The following TLE3 variants were observed in gnomAD, a reference collection of about 807,000 sequenced individuals.
The protein encoded by TLE3 is transducin-like enhancer protein 3.
TLE3 carries 14 observed loss-of-function variants against 93.0 expected under a neutral mutation model. The observed-to-expected ratio is 0.15, with a 90% confidence interval of 0.10 to 0.24. The LOEUF is 0.24. TLE3 is among the 10% of genes least tolerant of loss of function. The probability of loss-of-function intolerance (pLI) is 1.00; values close to 1 mark genes in which losing one functional copy is unlikely to be tolerated. For synonymous variants in TLE3, 451 were observed against 425.0 expected, an observed-to-expected ratio of 1.06 and a Z score of -0.75; for missense variants, 693 against 1,046.6, an observed-to-expected ratio of 0.66 and a Z score of 4.66.
chr15:70,053,126 G>A, intron 17 of TLE3, 101 bp downstream of exon 17: 1 of 1,440,622 alleles, frequency 6.9e-7, no homozygotes, highest in Non-Finnish European at 9.3e-7. Context: ...CTTGGCCGTG[G>A]CCACTCTGTG....
chr15:70,069,171 A>G (rs942669059), intron 6 of TLE3, among the ~76,000 whole-genome samples: 1 of 152,228 alleles, frequency 6.6e-6, no homozygotes, highest in Non-Finnish European at 1.5e-5. Context: ...TTTGCTCAGT[A>G]CATGTCTTGT....
intron 4 of TLE3, among the ~76,000 whole-genome samples, chr15:70,090,369 T>C (rs1414686651): frequency 1.3e-5 from 2 of 152,208 alleles, no homozygotes; most frequent in Admixed American, 6.5e-5. Flanking sequence ...TCAACTCAGA[T>C]GCCACACAAA....
chr15:70,052,942 T>C (rs7167790), intron 17 of TLE3: 99,334 of 417,946 alleles, frequency 0.24, 12,628 homozygotes, highest in South Asian at 0.33. Flanking sequence ...GGTGCTACTA[T>C]TATTTCCATC....
rs375940068 is a variant in TLE3 at position 70,058,175 on chromosome 15, C to T, written c.1035G>A (p.Pro345=). The change falls in exon 12 of 20, where the codon CCG becomes CCA. Residue 345 remains proline (P), a synonymous_variant. Coordinates refer to ENST00000451782, the MANE Select transcript of TLE3 (RefSeq NM_001105192.3). The surrounding 1 kb of genome is among the most constrained non-coding windows in gnomAD (Gnocchi z 4.1). ...CCATTATACCTATCGGGTCCATGCC[C>T]GGAGGTTTACCCGGCATCGACCTGA... The part of the protein sequence containing the change: ...PGLRSMPGKP[P]GMDPIASALR... 2.5e-5 allele frequency: 41 copies of T among 1,613,864 alleles called. No homozygotes were observed. The African/African-American group carries it at 2.7e-4, about 11-fold the overall frequency.
intron 4 of TLE3, among the ~76,000 whole-genome samples, chr15:70,077,620 T>C (rs1287263268): frequency 1.3e-5 from 2 of 152,320 alleles, no homozygotes; most frequent in South Asian, 2.1e-4. Context: ...AAGAGCCTTA[T>C]GGGTTTTTGC....
chr15:70,060,653 G>C lies in TLE3; in HGVS notation c.595-4C>G, dbSNP rs549714535. The C allele has an allele frequency of 1.9e-6, 3 of 1,613,554 alleles. No individual in the cohort carries two copies. Among genetic ancestry groups the C allele is most frequent in the Non-Finnish European group, 1.7e-6 (2 of 1,179,698 alleles). On this transcript the variant is annotated splice_region_variant and splice_polypyrimidine_tract_variant and intron_variant, in intron 8 of 19. Coordinates refer to ENST00000451782, the MANE Select transcript of TLE3 (RefSeq NM_001105192.3). ...CCGAGGGTGACACAGAGTTATTCTG[G>C]AAGGAAAAAGAGGGTTCGGGGTTAA...
At chr15:70,073,598 C>T (rs550600573) in intron 6 of TLE3, among the ~76,000 whole-genome samples, 1 of 152,354 alleles carries the variant, frequency 6.6e-6, no homozygotes, top group East Asian at 1.9e-4. Context: ...GAAAAGACCT[C>T]TGGGGCAAGT....
intron 16 of TLE3, 158 bp from the exon 17 acceptor site, chr15:70,053,532 G>T: frequency 1.2e-6 from 1 of 814,420 alleles, no homozygotes; most frequent in Non-Finnish European, 1.8e-6. Context: ...AGCTAGCCCC[G>T]GCCTCTTTCC....
At chr15:70,061,130 T>A (rs1157459172) in intron 8 of TLE3, among the ~76,000 whole-genome samples, 7 of 151,780 alleles carry the variant, frequency 4.6e-5, no homozygotes, top group Non-Finnish European at 1.0e-4. Flanking sequence ...AATGGGGAGA[T>A]TGATAGGGAA....
At chr15:70,081,887 G>C (rs1023377037) in intron 4 of TLE3, among the ~76,000 whole-genome samples, 1 of 152,232 alleles carries the variant, frequency 6.6e-6, no homozygotes, top group Non-Finnish European at 1.5e-5. Context: ...CTGGGTCTCA[G>C]GTTACTCCTC....
chr15:70,053,506 A>G, intron 16 of TLE3, 132 bp from the exon 17 acceptor site: 2 of 1,075,218 alleles, frequency 1.9e-6, no homozygotes, highest in Non-Finnish European at 2.6e-6. Context: ...ATGGTCCCTT[A>G]GCGAGCTTGC....
At position 70,096,273 on chromosome 15, in the gene TLE3, G is replaced by C; in HGVS notation, c.25-12C>G. On this transcript the variant is annotated splice_polypyrimidine_tract_variant and intron_variant, in intron 1 of 19. Transcript: ENST00000451782. ...GGTTGATGGGGAGCCTGGAGCCCGC[G>C]AAGACAAGACAGGGGAGGGGGCGGG... is the stretch of plus-strand genomic sequence containing the variant. 6.4e-7 allele frequency: 1 copy of C among 1,551,034 alleles called. No homozygotes were observed. Among genetic ancestry groups the C allele is most frequent in the Non-Finnish European group, 8.7e-7 (1 of 1,147,296 alleles).
At position 70,052,511 on chromosome 15, in the gene TLE3, C is replaced by A. The variant is rs953979426; in HGVS notation, c.1988G>T (p.Gly663Val). 1.9e-6 allele frequency: 3 copies of A among 1,613,254 alleles called. No homozygotes were observed. In the African/African-American group the frequency reaches 4.0e-5, roughly 22 times the overall value. Residue 663 changes from glycine (G) to valine (V), a missense_variant, in exon 18 of 20, where the codon GGC becomes GTC. Coordinates refer to ENST00000451782, the MANE Select transcript of TLE3 (RefSeq NM_001105192.3). ...HDFTSQIFSLGYCPTGEWLAV... is the reference protein window; with the variant it reads ...HDFTSQIFSLVYCPTGEWLAV... ...CAGCCACTCCCCAGTGGGGCAGTAGCCCAGCGAGAAGATCTGCAGGTGGTG... is the reference window on the plus strand; with the variant it reads ...CAGCCACTCCCCAGTGGGGCAGTAGACCAGCGAGAAGATCTGCAGGTGGTG...
At chr15:70,095,882 C>CCTGA in intron 2 of TLE3, 3 of 626,450 alleles carry the variant, frequency 4.8e-6, no homozygotes, top group Non-Finnish European at 8.2e-6. Flanking sequence ...GGAGTAGGAC[C>CCTGA]CTGACGCTGG....
intron 5 of TLE3, 72 bp from the exon 6 acceptor site, chr15:70,074,679 T>C: frequency 2.2e-6 from 3 of 1,339,342 alleles, no homozygotes; most frequent in African/African-American, 1.4e-5. Flanking sequence ...TGTGCAGCAC[T>C]GGCAGGGCCT....
intron 3 of TLE3, 60 bp from the exon 4 acceptor site, chr15:70,094,636 T>C: frequency 7.6e-7 from 1 of 1,323,946 alleles, no homozygotes; most frequent in Non-Finnish European, 1.0e-6. Flanking sequence ...TTTTTCAAAA[T>C]CAGTTTTTTC....
intron 8 of TLE3, among the ~76,000 whole-genome samples, chr15:70,062,548 C>T (rs1415699602): frequency 6.6e-6 from 1 of 152,222 alleles, no homozygotes; most frequent in Non-Finnish European, 1.5e-5. Context: ...CTCTGGCTGG[C>T]AGGCGGCCAA....
chr15:70,065,990 C>T, intron 7 of TLE3, 24 bp downstream of exon 7: 2 of 1,586,712 alleles, frequency 1.3e-6, no homozygotes, highest in Non-Finnish European at 8.6e-7. Context: ...CCCCGCCCCA[C>T]CCTCTGCCCC....
rs776967621 is a variant in TLE3 at position 70,058,278 on chromosome 15, G to A, written c.932C>T (p.Ser311Phe). 4.3e-6 allele frequency: 7 copies of A among 1,609,618 alleles called. No homozygotes were observed. The highest frequency in any genetic ancestry group is 4.2e-6 in the Non-Finnish European group (5 of 1,177,674). The change falls in exon 12 of 20, where the codon TCC (serine) becomes TTC (phenylalanine). Residue 311 changes from serine to phenylalanine, a missense_variant. This residue lies in a region of TLE3 where 405 missense variants were observed against 468.9 expected (regional missense o/e 0.86). Coordinates refer to ENST00000451782, the MANE Select transcript of TLE3 (RefSeq NM_001105192.3). This position sits in a 1 kb window ranked among gnomAD's most constrained non-coding sequence, Gnocchi z 4.1. Reference sequence around the variant, plus strand: ...TGTGTTGGACTTGAGCCCAGGGGTGGAGGATTTGTCGTTCTGAAGAGGGGA... The same window carrying A: ...TGTGTTGGACTTGAGCCCAGGGGTGAAGGATTTGTCGTTCTGAAGAGGGGA... Reference protein sequence around the residue: ...TKDLGHNDKSSTPGLKSNTPT... With the variant: ...TKDLGHNDKSFTPGLKSNTPT...
Sources: gnomAD v4.1 joint callset for allele counts (sites outside exome capture counted in the v4.1 genomes callset) on GRCh38, gnomAD v4.1.1 for gene constraint, gnomAD v4.1.1 regional missense constraint, Gnocchi (gnomAD v3.1) non-coding constraint, MANE v1.5 for transcripts, NCBI Gene and HGNC (gene_info 2026-07-23, HGNC 2026-07-21) for gene names.